ATP8A2: variants seen among roughly 807,000 people sequenced by gnomAD.
The protein encoded by ATP8A2 is ATPase phospholipid transporting 8A2, also known as phospholipid-transporting ATPase IB.
Under a neutral mutation model 165.6 loss-of-function variants are expected in ATP8A2, and 100 were observed. That is an observed-to-expected ratio of 0.60 (90% confidence interval 0.51 to 0.71). The LOEUF (loss-of-function observed/expected upper bound fraction) is 0.71. Among genes scored for constraint, ATP8A2 ranks in the 30% least tolerant of loss-of-function variants. The pLI, the probability that ATP8A2 is intolerant of heterozygous loss-of-function variation, is 0.00. For missense variants in ATP8A2, 1,227 were observed against 1,479.5 expected, an observed-to-expected ratio of 0.83 and a Z score of 2.80; for synonymous variants, 543 against 548.8, an observed-to-expected ratio of 0.99 and a Z score of 0.15.
At chr13:25,824,454 C>T (rs1428823172) in intron 27 of ATP8A2, among the ~76,000 whole-genome samples, 2 of 152,084 alleles carry the variant, frequency 1.3e-5, no homozygotes, top group African/African-American at 2.4e-5. Flanking sequence ...TTTCTTCGGC[C>T]GTGTGGCTTG....
chr13:25,459,376 A>C (rs1219234281), intron 1 of ATP8A2, among the ~76,000 whole-genome samples: 9 of 152,230 alleles, frequency 5.9e-5, no homozygotes, highest in Admixed American at 5.9e-4. Flanking sequence ...CACTTAAGAC[A>C]GAATGCGAAA....
chr13:25,821,300 G>C (rs962570641), intron 27 of ATP8A2, among the ~76,000 whole-genome samples: 2 of 152,144 alleles, frequency 1.3e-5, no homozygotes, highest in Non-Finnish European at 2.9e-5. Flanking sequence ...TGTCAACAAG[G>C]TCAGTTCATG....
At chr13:25,436,375 T>C (rs867538042) in intron 1 of ATP8A2, among the ~76,000 whole-genome samples, 1 of 152,166 alleles carries the variant, frequency 6.6e-6, no homozygotes, top group African/African-American at 2.4e-5. Context: ...TGGTTTTCTG[T>C]TCCTGGTTAA....
In ATP8A2 at chr13:25,579,708, T is replaced by A. The variant is rs2039716303; in HGVS notation, c.1868-100T>A. 1.1e-5 allele frequency: 15 copies of A among 1,387,112 alleles called. No individual in the cohort carries two copies. In the South Asian group the frequency reaches 1.8e-4, roughly 16 times the overall value. The allele number at this position is 1,387,112 out of a possible 1,614,324, so 85.9% of individuals were successfully genotyped here. A position where few individuals can be genotyped will look rare whatever the true frequency, so the allele number is the denominator to read the frequency against. ...AGAGTGACCTAAAGCACAGAGTCTC[T>A]TCAATTTTTTTGGGCATGCTGATGG... On this transcript the variant is annotated intron_variant, in intron 21 of 36. Coordinates refer to ENST00000381655, the MANE Select transcript of ATP8A2 (RefSeq NM_016529.6).
chr13:25,847,266 C>T (rs142180195), intron 30 of ATP8A2, among the ~76,000 whole-genome samples: 4 of 152,286 alleles, frequency 2.6e-5, no homozygotes, highest in African/African-American at 9.6e-5. Context: ...GGTTACTAAC[C>T]CGATCATAGT....
intron 18 of ATP8A2, among the ~76,000 whole-genome samples, chr13:25,573,169 C>G (rs182567061): frequency 1.6e-4 from 24 of 152,216 alleles, no homozygotes; most frequent in Non-Finnish European, 3.2e-4. Flanking sequence ...GAATTTTAAT[C>G]TGAACTATAG....
At chr13:25,865,788 G>A (rs895836881) in intron 33 of ATP8A2, among the ~76,000 whole-genome samples, 1 of 152,174 alleles carries the variant, frequency 6.6e-6, no homozygotes, top group African/African-American at 2.4e-5. Flanking sequence ...CCACATTTGT[G>A]GGATTTTAAG....
intron 27 of ATP8A2, among the ~76,000 whole-genome samples, chr13:25,788,688 AC>A (rs2045092554): frequency 6.6e-6 from 1 of 152,194 alleles, no homozygotes; most frequent in Non-Finnish European, 1.5e-5. Context: ...ATATATTGCA[AC>A]TATATATCAT....
In ATP8A2 at chr13:25,776,892, G is replaced by A. The variant is rs186370274; in HGVS notation, c.2679+1933G>A. ...TAGACTTCTTATCAAGACATTCTGC[G>A]TGGAGCTCCCAATCTTTCACTTTTC... On this transcript the variant is annotated intron_variant, in intron 27 of 36. Coordinates refer to ENST00000381655, the MANE Select transcript of ATP8A2 (RefSeq NM_016529.6). 6.1e-4 allele frequency among the ~76,000 whole-genome samples: 93 copies of A among 151,974 alleles called. 1 individual carries two copies. The East Asian group carries it at 8.7e-3, about 14-fold the overall frequency.
chr13:25,525,126 A>T (rs528457889), intron 2 of ATP8A2, among the ~76,000 whole-genome samples: 2 of 152,200 alleles, frequency 1.3e-5, no homozygotes, highest in African/African-American at 2.4e-5. Context: ...TTTTAAAGAG[A>T]TGACAACTTA....
chr13:25,577,095 T>C lies in ATP8A2; in HGVS notation c.1739T>C (p.Val580Ala). The C allele has an allele frequency of 1.2e-6, 2 of 1,614,096 alleles. No individual in the cohort carries two copies. Among genetic ancestry groups the C allele is most frequent in the Non-Finnish European group, 1.7e-6 (2 of 1,179,940 alleles). ...GACAGAAAAAGAATGTCTGTAATTG[T>C]TCGAACTCCTTCAGGACGACTTCGG... Reference protein sequence around the residue: ...SSDRKRMSVIVRTPSGRLRLY... With the variant: ...SSDRKRMSVIARTPSGRLRLY... Residue 580 changes from valine (V) to alanine (A), a missense_variant, in exon 20 of 37, where the codon GTT (valine) becomes GCT (alanine). Physicochemically the swap from Val to Ala is moderately conservative, Grantham distance 64. Transcript: ENST00000381655.
intron 1 of ATP8A2, among the ~76,000 whole-genome samples, chr13:25,394,372 G>A (rs2033348511): frequency 6.6e-6 from 1 of 152,212 alleles, no homozygotes; most frequent in African/African-American, 2.4e-5. Context: ...AACTTGCTTT[G>A]TGTAATTTTT....
At position 25,750,257 on chromosome 13, in the gene ATP8A2, G is replaced by A. The variant is rs1022721826; in HGVS notation, c.2385-18789G>A. Among the ~76,000 whole-genome samples, 2 of 152,200 alleles carry A rather than the reference G, an allele frequency of 1.3e-5. No individual in the cohort carries two copies. The highest frequency in any genetic ancestry group is 2.4e-5 in the African/African-American group (1 of 41,456). ...GCTCCTGACCCAGGCAGAGCAGGCT[G>A]CATTTCTCAGAGTAGTCGCTAGAGT... On this transcript the variant is annotated intron_variant, in intron 25 of 36. Coordinates refer to ENST00000381655, the MANE Select transcript of ATP8A2 (RefSeq NM_016529.6). The surrounding 1 kb of genome is among the most constrained non-coding windows in gnomAD (Gnocchi z 4.3).
At chr13:25,574,992 A>G (rs943527077) in intron 19 of ATP8A2, 135 bp downstream of exon 19, 2 of 468,906 alleles carry the variant, frequency 4.3e-6, no homozygotes, top group African/African-American at 4.1e-5. Flanking sequence ...ATCTCCATAA[A>G]CTCTTTTCTT....
chr13:25,545,208 A>G (rs1001698258), intron 10 of ATP8A2, among the ~76,000 whole-genome samples: 10 of 152,062 alleles, frequency 6.6e-5, no homozygotes, highest in South Asian at 6.2e-4. Context: ...GGAGGGCTCC[A>G]TGGCAGCTAG....
chr13:25,834,235 G>A (rs1214020426), intron 28 of ATP8A2, among the ~76,000 whole-genome samples: 6 of 152,184 alleles, frequency 3.9e-5, no homozygotes, highest in Non-Finnish European at 8.8e-5. Flanking sequence ...TTTTAAGACT[G>A]GAGAACATTA....
At chr13:25,404,238 G>T (rs1488776628) in intron 1 of ATP8A2, among the ~76,000 whole-genome samples, 1 of 152,176 alleles carries the variant, frequency 6.6e-6, no homozygotes, top group East Asian at 1.9e-4. Flanking sequence ...AGGAAGCTGG[G>T]GGTGGCAAGC....
intron 33 of ATP8A2, among the ~76,000 whole-genome samples, chr13:25,890,176 A>C (rs1953315732): frequency 6.7e-6 from 1 of 149,098 alleles, no homozygotes; most frequent in Non-Finnish European, 1.5e-5. Context: ...AAAAGAAAAG[A>C]AAAAAAATTT....
chr13:25,499,517 C>T (rs1201267370), intron 2 of ATP8A2, among the ~76,000 whole-genome samples: 2 of 152,178 alleles, frequency 1.3e-5, no homozygotes, highest in South Asian at 2.1e-4. Flanking sequence ...TCTTCGAGAG[C>T]GTTTCCACCT....
Sources: allele counts gnomAD v4.1 joint callset (sites outside exome capture counted in the v4.1 genomes callset), GRCh38; gene constraint gnomAD v4.1.1; non-coding constraint Gnocchi (gnomAD v3.1); transcripts MANE v1.5; gene names NCBI Gene and HGNC (gene_info 2026-07-23, HGNC 2026-07-21).